Variants in STK24 observed in about 807,000 individuals in gnomAD.
STK24 encodes the protein serine/threonine-protein kinase 24.
Under a neutral mutation model 55.6 loss-of-function variants are expected in STK24, and 21 were observed. The ratio of observed to expected loss-of-function variants is 0.38; its 90% CI spans 0.27 to 0.54. STK24 has a LOEUF of 0.54. STK24 is among the 20% of genes least tolerant of loss of function. The pLI is 0.79. For synonymous variants in STK24, 200 were observed against 215.2 expected (o/e 0.93, Z 0.62); for missense variants, 383 against 538.4 (o/e 0.71, Z 2.86).
At chr13:98,523,856 G>A (rs974018147) in intron 1 of STK24, among the ~76,000 whole-genome samples, 1 of 152,214 alleles carries the variant, frequency 6.6e-6, no homozygotes, top group Non-Finnish European at 1.5e-5. Flanking sequence ...TAGAAGCTGG[G>A]CACTGCCCCA....
intron 2 of STK24, among the ~76,000 whole-genome samples, chr13:98,505,591 C>T (rs1895653808): frequency 6.6e-6 from 1 of 152,150 alleles, no homozygotes; most frequent in African/African-American, 2.4e-5. Flanking sequence ...AATCTCATAC[C>T]AAGCCAACCA....
At chr13:98,469,545 A>ACC (rs1491272483) in intron 5 of STK24, among the ~76,000 whole-genome samples, 1 of 116,222 alleles carries the variant, frequency 8.6e-6, no homozygotes, top group Non-Finnish European at 1.9e-5. Context: ...CCCCCCCCCC[A>ACC]AAAAAAAAAG....
At chr13:98,473,336 G>A (rs1189541629) in intron 5 of STK24, among the ~76,000 whole-genome samples, 2 of 145,466 alleles carry the variant, frequency 1.4e-5, no homozygotes, top group Non-Finnish European at 3.0e-5. Context: ...TGGTAGATCA[G>A]CTAATTTACT....
At position 98,519,524 on chromosome 13, in the gene STK24, C is replaced by T. The variant is rs763897657; in HGVS notation, c.43-51G>A. 2.9e-6 allele frequency: 4 copies of T among 1,397,272 alleles called. No homozygotes were observed. In the Admixed American group the frequency reaches 7.0e-5, roughly 24 times the overall value. The allele number at this position is 1,397,272 out of a possible 1,614,324, so 86.6% of individuals were successfully genotyped here. On this transcript the variant is annotated intron_variant, in intron 1 of 10. Transcript: ENST00000539966. ...GAAACTTTAGTCCCTCATAGCACCA[C>T]AACTCCTTTGTCAATTTTATGTGTA...
chr13:98,513,857 G>A (rs1347284409), intron 2 of STK24, among the ~76,000 whole-genome samples: 1 of 152,174 alleles, frequency 6.6e-6, no homozygotes, highest in Non-Finnish European at 1.5e-5. Flanking sequence ...CCCACACCAA[G>A]CATATATCTG....
At chr13:98,541,794 A>G (rs1449125000) in intron 1 of STK24, among the ~76,000 whole-genome samples, 1 of 152,186 alleles carries the variant, frequency 6.6e-6, no homozygotes, top group Non-Finnish European at 1.5e-5. Flanking sequence ...GAGGAAGTGT[A>G]TTTTATCTGC....
chr13:98,467,384 T>C (rs1372289572), intron 5 of STK24, among the ~76,000 whole-genome samples: 1 of 152,120 alleles, frequency 6.6e-6, no homozygotes, highest in African/African-American at 2.4e-5. Flanking sequence ...CTTAATGTCA[T>C]GTATAATTAA....
At chr13:98,507,064 C>T (rs1011266842) in intron 2 of STK24, among the ~76,000 whole-genome samples, 7 of 152,218 alleles carry the variant, frequency 4.6e-5, no homozygotes, top group African/African-American at 9.6e-5. Flanking sequence ...TGCAGCTGGG[C>T]GGGAGAGCCA....
chr13:98,468,532 G>A (rs1279133585), intron 5 of STK24, among the ~76,000 whole-genome samples: 4 of 152,288 alleles, frequency 2.6e-5, no homozygotes, highest in South Asian at 4.1e-4. Flanking sequence ...GAGGAGGGGA[G>A]AGGCAAGAAC....
chr13:98,446,995 T>C lies in STK24; in HGVS notation c.*6178A>G, dbSNP rs918780044. ...GCGATTCTGTTCTCATGGCAGAAAG[T>C]GGGGTCCCAACTTCCCTGCGCCCTT... On this transcript the variant is annotated 3_prime_UTR_variant, in exon 11 of 11. Transcript: ENST00000539966. The C allele has an allele frequency of 3.1e-6, 2 of 641,478 alleles. No homozygotes were observed. Among genetic ancestry groups the C allele is most frequent in the African/African-American group, 1.8e-5 (1 of 54,622 alleles). The allele number at this position is 641,478 out of a possible 1,614,324, so 39.7% of individuals were successfully genotyped here. A position where few individuals can be genotyped will look rare whatever the true frequency, so the allele number is the denominator to read the frequency against.
Position 98,446,544 on chromosome 13 carries a change from G to C in STK24, c.*6629C>G. 1 of 1,015,960 alleles carries C rather than the reference G, an allele frequency of 9.8e-7. No homozygotes were observed. The highest frequency in any genetic ancestry group is 1.5e-6 in the Non-Finnish European group (1 of 671,222). 62.9% of individuals were successfully genotyped at this position (1,015,960 alleles called of 1,614,324 possible). A position where few individuals can be genotyped will look rare whatever the true frequency, so the allele number is the denominator to read the frequency against. ...ACACTGGCTGCCATGGTCCCTTCCAGGCCCACGCCCGAGGAGGGAGCTGCC... is the reference window on the plus strand; with the variant it reads ...ACACTGGCTGCCATGGTCCCTTCCACGCCCACGCCCGAGGAGGGAGCTGCC... On this transcript the variant is annotated 3_prime_UTR_variant, in exon 11 of 11. Transcript: ENST00000539966.
At chr13:98,468,364 C>T (rs1893996942) in intron 5 of STK24, among the ~76,000 whole-genome samples, 1 of 152,256 alleles carries the variant, frequency 6.6e-6, no homozygotes, top group Non-Finnish European at 1.5e-5. Context: ...CTTTATCTTG[C>T]ATTGCATTAT....
At chr13:98,576,166 G>A (rs894939743) in intron 1 of STK24, 1 of 985,310 alleles carries the variant, frequency 1.0e-6, no homozygotes, top group East Asian at 1.1e-4. Flanking sequence ...GTGCACGGGG[G>A]CTCCGGGCAA....
chr13:98,508,614 AG>A (rs1420663713), intron 2 of STK24, among the ~76,000 whole-genome samples: 1 of 152,140 alleles, frequency 6.6e-6, no homozygotes, highest in Non-Finnish European at 1.5e-5. Flanking sequence ...TGAGGGTGGG[AG>A]GAACAGGGGG....
intron 2 of STK24, among the ~76,000 whole-genome samples, chr13:98,507,158 T>C (rs1289544684): frequency 6.6e-6 from 1 of 152,204 alleles, no homozygotes; most frequent in African/African-American, 2.4e-5. Context: ...GGCTGAACTA[T>C]TGAATAAATA....
rs575388296 is a variant in STK24 at position 98,457,158 on chromosome 13, G to A, written c.1259+10C>T. 3 of 1,609,146 alleles carry A rather than the reference G, an allele frequency of 1.9e-6. No individual in the cohort carries two copies. Among genetic ancestry groups the A allele is most frequent in the Non-Finnish European group, 2.5e-6 (3 of 1,178,616 alleles). On this transcript the variant is annotated intron_variant, in intron 10 of 10. Coordinates refer to ENST00000539966, the MANE Select transcript of STK24 (RefSeq NM_001032296.4). ...TCCTTCCCCAGCCCAGAGGGGCCCTGGGTAGTTACCTCTGGAGCCGCTGCA... is the reference window on the plus strand; with the variant it reads ...TCCTTCCCCAGCCCAGAGGGGCCCTAGGTAGTTACCTCTGGAGCCGCTGCA...
intron 2 of STK24, among the ~76,000 whole-genome samples, chr13:98,504,837 C>A (rs1895628780): frequency 6.6e-6 from 1 of 152,190 alleles, no homozygotes; most frequent in Admixed American, 6.5e-5. Flanking sequence ...CACATGTGCA[C>A]AAGGTGTGGA....
chr13:98,488,158 A>AAGAC (rs1894875740), intron 2 of STK24, among the ~76,000 whole-genome samples: 1 of 69,566 alleles, frequency 1.4e-5, no homozygotes, highest in Non-Finnish European at 3.0e-5. Context: ...AAAAGAGATG[A>AAGAC]AGACACACAC....
At chr13:98,483,625 C>A (rs1165222991) in intron 2 of STK24, among the ~76,000 whole-genome samples, 1 of 152,166 alleles carries the variant, frequency 6.6e-6, no homozygotes. Flanking sequence ...CTTCCCTCCC[C>A]ACGCCCTGGG....
Sources: allele counts gnomAD v4.1 joint callset (sites outside exome capture counted in the v4.1 genomes callset), GRCh38; gene constraint gnomAD v4.1.1; transcripts MANE v1.5; gene names NCBI Gene and HGNC (gene_info 2026-07-23, HGNC 2026-07-21).